The following HS6ST3 variants were observed in gnomAD, a reference collection of about 807,000 sequenced individuals.
The protein encoded by HS6ST3 is heparan sulfate 6-O-sulfotransferase 3, also known as heparan-sulfate 6-O-sulfotransferase 3.
A neutral mutation model predicts 36.7 loss-of-function variants in HS6ST3; 12 were observed. The observed-to-expected ratio is 0.33, with a 90% CI of 0.21 to 0.53. HS6ST3 has a LOEUF of 0.53. Ranked by LOEUF, HS6ST3 falls within the 20% of genes least tolerant of loss-of-function variation. The probability of loss-of-function intolerance (pLI) is 0.95; values close to 1 mark genes in which losing one functional copy is unlikely to be tolerated. For synonymous variants in HS6ST3, 240 were observed against 257.5 expected (o/e 0.93, Z 0.65); for missense variants, 584 against 640.9 (o/e 0.91, Z 0.96).
intron 1 of HS6ST3, among the ~76,000 whole-genome samples, chr13:96,675,806 A>G (rs648241): frequency 0.21 from 31,247 of 152,098 alleles, 3,995 homozygotes; most frequent in South Asian, 0.3. Flanking sequence ...TAGTTTTCAC[A>G]TGGTCTCTCC....
At chr13:96,739,146 C>G (rs1876367419) in intron 1 of HS6ST3, among the ~76,000 whole-genome samples, 1 of 151,442 alleles carries the variant, frequency 6.6e-6, no homozygotes, top group Admixed American at 6.6e-5. Flanking sequence ...CCTCCTATCC[C>G]TTTTACTACC....
intron 1 of HS6ST3, among the ~76,000 whole-genome samples, chr13:96,331,109 T>C (rs1228329126): frequency 1.3e-5 from 2 of 152,226 alleles, no homozygotes; most frequent in African/African-American, 2.4e-5. Flanking sequence ...AGTTTTCAAC[T>C]TCTTTGCCTT....
At chr13:96,354,501 A>G (rs2055200233) in intron 1 of HS6ST3, among the ~76,000 whole-genome samples, 1 of 152,136 alleles carries the variant, frequency 6.6e-6, no homozygotes, top group Non-Finnish European at 1.5e-5. Context: ...TTACAATACA[A>G]ATTAATACCT....
intron 1 of HS6ST3, among the ~76,000 whole-genome samples, chr13:96,474,843 T>A (rs1483439482): frequency 2.0e-5 from 3 of 152,340 alleles, no homozygotes; most frequent in Middle Eastern, 3.4e-3. Context: ...CTGTCTGTAT[T>A]AAATTTTCAG....
chr13:96,403,863 G>T (rs189111709), intron 1 of HS6ST3, among the ~76,000 whole-genome samples: 3 of 152,292 alleles, frequency 2.0e-5, no homozygotes, highest in Non-Finnish European at 4.4e-5. Flanking sequence ...CTGTGACAGA[G>T]CTGTCCCTAA....
rs371698480 is a variant in HS6ST3 at position 96,139,541 on chromosome 13, G to GCAAAAAAAAAAA, written c.707+47972_707+47973insCAAAAAAAAAAA. Among the ~76,000 whole-genome samples the GCAAAAAAAAAAA allele has an allele frequency of 7.7e-4, 51 of 66,284 alleles. 1 individual carries two copies. Among genetic ancestry groups the GCAAAAAAAAAAA allele is most frequent in the African/African-American group, 3.1e-3 (50 of 16,362 alleles). 43.5% of individuals were successfully genotyped at this position (66,284 alleles called of 152,430 possible). On this transcript the variant is annotated intron_variant, in intron 1 of 1. Transcript: ENST00000376705. ...TTTTCCTGAAATACTGTAAGATTCA[G>GCAAAAAAAAAAA]AAAAAAAAAAAAAAAAAAAAAAAAA... is the stretch of plus-strand genomic sequence containing the variant.
At chr13:96,450,943 A>G (rs1294723768) in intron 1 of HS6ST3, among the ~76,000 whole-genome samples, 1 of 152,162 alleles carries the variant, frequency 6.6e-6, no homozygotes, top group Non-Finnish European at 1.5e-5. Flanking sequence ...CCCTATGTGA[A>G]GGCCTCAGTT....
chr13:96,445,593 G>A (rs1330322566), intron 1 of HS6ST3, among the ~76,000 whole-genome samples: 1 of 151,994 alleles, frequency 6.6e-6, no homozygotes, highest in African/African-American at 2.4e-5. Flanking sequence ...ATGGCTGGAT[G>A]TGGTGGCTCA....
At chr13:96,247,384 A>G (rs1420709860) in intron 1 of HS6ST3, among the ~76,000 whole-genome samples, 2 of 152,060 alleles carry the variant, frequency 1.3e-5, no homozygotes, top group African/African-American at 4.8e-5. Flanking sequence ...AGGTGATTGG[A>G]TCGTGGGGGT....
chr13:96,356,737 T>C (rs76784163), intron 1 of HS6ST3, among the ~76,000 whole-genome samples: 3,366 of 152,320 alleles, frequency 0.022, 125 homozygotes, highest in African/African-American at 0.078. Context: ...GAATTGTAAA[T>C]GAGCATTGGT....
intron 1 of HS6ST3, among the ~76,000 whole-genome samples, chr13:96,254,494 T>TACACAC (rs2054626848): frequency 2.3e-4 from 5 of 21,920 alleles, no homozygotes; most frequent in African/African-American, 8.4e-4. Flanking sequence ...TATATATATA[T>TACACAC]ATATACACAT....
chr13:96,480,025 T>C (rs181322153), intron 1 of HS6ST3, among the ~76,000 whole-genome samples: 2 of 152,310 alleles, frequency 1.3e-5, no homozygotes, highest in Admixed American at 6.5e-5. Context: ...TACAGTTTTC[T>C]GTGTGCTCAG....
chr13:96,178,232 A>T (rs2054221854), intron 1 of HS6ST3, among the ~76,000 whole-genome samples: 1 of 152,190 alleles, frequency 6.6e-6, no homozygotes. Context: ...ATATGTTTGG[A>T]ATATTTTTAT....
chr13:96,253,993 G>A (rs1190828467), intron 1 of HS6ST3, among the ~76,000 whole-genome samples: 1 of 152,072 alleles, frequency 6.6e-6, no homozygotes, highest in Admixed American at 6.5e-5. Flanking sequence ...TTCAAACATG[G>A]CATAAATGTA....
chr13:96,512,640 A>G (rs1381930756), intron 1 of HS6ST3, among the ~76,000 whole-genome samples: 2 of 152,026 alleles, frequency 1.3e-5, no homozygotes, highest in South Asian at 2.1e-4. Context: ...CACATTTATC[A>G]ATTTGTTGCC....
chr13:96,400,438 C>T (rs2055445579), intron 1 of HS6ST3, among the ~76,000 whole-genome samples: 2 of 151,816 alleles, frequency 1.3e-5, no homozygotes, highest in Non-Finnish European at 2.9e-5. Context: ...GTAAAGTGTC[C>T]TGATAGGTAT....
chr13:96,660,041 G>T lies in HS6ST3; in HGVS notation c.708-172449G>T, dbSNP rs113782414. Among the ~76,000 whole-genome samples the T allele has an allele frequency of 4.3e-3, 660 of 152,126 alleles. 3 individuals carry two copies. The highest frequency in any genetic ancestry group is 6.4e-3 in the Non-Finnish European group (437 of 67,946). ...ATCCTTTAAGGCTTGCAAACTCAAT[G>T]ATTAAATTTGTTTTTTTATTAAGTA... On this transcript the variant is annotated intron_variant, in intron 1 of 1. Coordinates refer to ENST00000376705, the MANE Select transcript of HS6ST3 (RefSeq NM_153456.4).
intron 1 of HS6ST3, among the ~76,000 whole-genome samples, chr13:96,165,056 T>G (rs2054154131): frequency 6.6e-6 from 1 of 152,200 alleles, no homozygotes; most frequent in Non-Finnish European, 1.5e-5. Flanking sequence ...TGTCTTATAT[T>G]TTACTATTTC....
At chr13:96,231,182 C>T (rs2054506414) in intron 1 of HS6ST3, among the ~76,000 whole-genome samples, 1 of 152,074 alleles carries the variant, frequency 6.6e-6, no homozygotes, top group African/African-American at 2.4e-5. Flanking sequence ...GTACAGAGCT[C>T]CTCCATCCTT....
Sources: gnomAD v4.1 joint callset for allele counts (sites outside exome capture counted in the v4.1 genomes callset) on GRCh38, gnomAD v4.1.1 for gene constraint, MANE v1.5 for transcripts, NCBI Gene and HGNC (gene_info 2026-07-23, HGNC 2026-07-21) for gene names.